The following ENG variants were observed in gnomAD, a reference collection of about 807,000 sequenced individuals.
ENG encodes the protein CD105 antigen.
In ENG, 17 loss-of-function variants were observed where a neutral mutation model predicts 71.0. The observed-to-expected ratio is 0.24, with a 90% CI of 0.16 to 0.36. The LOEUF (loss-of-function observed/expected upper bound fraction) is 0.36, where lower values mean the gene tolerates loss of function less well. ENG is among the 10% of genes least tolerant of loss of function. ENG has a pLI of 1.00. For missense variants in ENG, 749 were observed against 868.3 expected, an observed-to-expected ratio of 0.86 and a Z score of 1.73; for synonymous variants, 360 against 366.9, an observed-to-expected ratio of 0.98 and a Z score of 0.21.
chr9:127,829,431 C>T (rs968022417), intron 3 of ENG, among the ~76,000 whole-genome samples: 4 of 152,202 alleles, frequency 2.6e-5, no homozygotes, highest in Non-Finnish European at 4.4e-5. Context: ...TGCAGAGGAT[C>T]AGAGTTGGCC....
chr9:127,850,305 G>A (rs1831258462), intron 1 of ENG, among the ~76,000 whole-genome samples: 1 of 152,232 alleles, frequency 6.6e-6, no homozygotes, highest in African/African-American at 2.4e-5. Flanking sequence ...GGAGGAGCTG[G>A]CATTATGCCT....
At chr9:127,818,666 G>A (rs953670245) in intron 11 of ENG, 50 bp downstream of exon 11, 1 of 1,581,208 alleles carries the variant, frequency 6.3e-7, no homozygotes. Context: ...AAGGCGGAGA[G>A]GAAGTTCCAG....
At position 127,815,736 on chromosome 9, in the gene ENG, G is replaced by T; in HGVS notation, c.1923C>A (p.Asn641Lys). ...TGCTCTGGGTGCTCCCGATGCTGTGGTTGGTGCTGCTGCTCTCCGAGGAGG... is the reference window on the plus strand; with the variant it reads ...TGCTCTGGGTGCTCCCGATGCTGTGTTTGGTGCTGCTGCTCTCCGAGGAGG... The part of the protein sequence containing the change: ...APASSESSST[N>K]HSIGSTQSTP... Residue 641 changes from asparagine to lysine, a missense_variant, in exon 15 of 15, where the codon AAC becomes AAA. Transcript: ENST00000373203. The T allele has an allele frequency of 1.9e-6, 3 of 1,556,404 alleles. No individual in the cohort carries two copies. The highest frequency in any genetic ancestry group is 2.6e-6 in the Non-Finnish European group (3 of 1,155,364).
intron 12 of ENG, chr9:127,817,464 T>C (rs1376368883): frequency 5.4e-6 from 3 of 556,618 alleles, no homozygotes; most frequent in Non-Finnish European, 9.8e-6. Context: ...GGAAGCACTA[T>C]GCATCCCTCA....
chr9:127,818,660 C>A, intron 11 of ENG, 56 bp downstream of exon 11: 1 of 1,569,234 alleles, frequency 6.4e-7, no homozygotes, highest in South Asian at 1.1e-5. Context: ...GGAAGAAAGG[C>A]GGAGAGGAAG....
At chr9:127,832,614 C>A (rs1347130319) in intron 2 of ENG, 1 of 152,082 alleles carries the variant, frequency 6.6e-6, no homozygotes, top group Non-Finnish European at 1.5e-5. Context: ...ATGGTGCGAT[C>A]CTAGCTCACT....
intron 1 of ENG, among the ~76,000 whole-genome samples, chr9:127,852,120 C>T (rs144264721): frequency 2.6e-5 from 4 of 152,286 alleles, no homozygotes; most frequent in African/African-American, 4.8e-5. Flanking sequence ...CATGACATTC[C>T]GTCGTGTGGT....
chr9:127,822,114 A>G (rs1205570574), intron 8 of ENG, among the ~76,000 whole-genome samples: 1 of 152,192 alleles, frequency 6.6e-6, no homozygotes, highest in Non-Finnish European at 1.5e-5. Flanking sequence ...CAGCAAATCA[A>G]GGGAAGTGGT....
intron 2 of ENG, among the ~76,000 whole-genome samples, chr9:127,842,005 GCA>G (rs1831044762): frequency 6.6e-6 from 1 of 152,152 alleles, no homozygotes; most frequent in Non-Finnish European, 1.5e-5. Context: ...GTCGGCCCTA[GCA>G]CAGTCTCTAG....
At chr9:127,835,218 T>C (rs1830868426) in intron 2 of ENG, among the ~76,000 whole-genome samples, 1 of 152,046 alleles carries the variant, frequency 6.6e-6, no homozygotes, top group Non-Finnish European at 1.5e-5. Flanking sequence ...AGGCTGGTGT[T>C]GAACTCCTAG....
In ENG at chr9:127,829,768, T is replaced by C; in HGVS notation, c.279A>G (p.Arg93=). The C allele has an allele frequency of 6.2e-7, 1 of 1,614,120 alleles. No homozygotes were observed. Among genetic ancestry groups the C allele is most frequent in the African/African-American group, 1.3e-5 (1 of 75,030 alleles). The change falls in exon 3 of 15, where the codon CGA becomes CGG. Residue 93 remains arginine, a synonymous_variant. Coordinates refer to ENST00000373203, the MANE Select transcript of ENG (RefSeq NM_001114753.3). ...TTACACTGAGGACCAGAAGCACCTC[T>C]CGGGGCCAGGTGCCATTTTGCTTGG... ...QASKQNGTWP[R]EVLLVLSVNS...
chr9:127,833,496 T>C (rs1588589160), intron 2 of ENG, among the ~76,000 whole-genome samples: 1 of 120,148 alleles, frequency 8.3e-6, no homozygotes. Context: ...AGCTCTAGCC[T>C]GGGCAGCAAG....
chr9:127,845,290 A>C (rs1353666575), intron 1 of ENG, among the ~76,000 whole-genome samples: 2 of 152,110 alleles, frequency 1.3e-5, no homozygotes, highest in East Asian at 3.9e-4. Context: ...TCACCTTCCC[A>C]CAGCACGTTG....
rs1830301879 is a variant in ENG at position 127,815,984 on chromosome 9, G to A, written c.1811C>T (p.Ala604Val). ...GITFGAFLIGALLTAALWYIY... is the reference protein window; with the variant it reads ...GITFGAFLIGVLLTAALWYIY... ...GTACCAGAGTGCAGCAGTGAGCAGG[G>A]CCCCGATGAGGAAGGCACCAAAGGT... Residue 604 changes from alanine to valine, a missense_variant, in exon 14 of 15, where the codon GCC becomes GTC. Coordinates refer to ENST00000373203, the MANE Select transcript of ENG (RefSeq NM_001114753.3). 5.6e-6 allele frequency: 9 copies of A among 1,607,954 alleles called. No homozygotes were observed. The highest frequency in any genetic ancestry group is 7.6e-6 in the Non-Finnish European group (9 of 1,177,716).
intron 8 of ENG, among the ~76,000 whole-genome samples, chr9:127,822,120 G>A (rs1006608564): frequency 6.6e-6 from 1 of 152,142 alleles, no homozygotes; most frequent in African/African-American, 2.4e-5. Context: ...ATCAAGGGAA[G>A]TGGTGGCCAA....
chr9:127,828,301 A>T (rs1389722937), intron 3 of ENG, among the ~76,000 whole-genome samples: 1 of 152,202 alleles, frequency 6.6e-6, no homozygotes, highest in Admixed American at 6.5e-5. Context: ...GGGTTGGGAA[A>T]GGGATCTGAT....
intron 1 of ENG, among the ~76,000 whole-genome samples, chr9:127,843,757 T>A (rs3053077): frequency 0.039 from 193 of 4,926 alleles, 1 homozygote; most frequent in Admixed American, 0.09. Flanking sequence ...ATATATATAT[T>A]TTTTTTTTTT....
intron 2 of ENG, among the ~76,000 whole-genome samples, chr9:127,839,410 A>T (rs1830975260): frequency 6.6e-6 from 1 of 152,176 alleles, no homozygotes; most frequent in African/African-American, 2.4e-5. Flanking sequence ...TGGTCACAGC[A>T]GTAGGGGCTG....
At position 127,818,245 on chromosome 9, in the gene ENG, A is replaced by G; in HGVS notation, c.1561T>C (p.Ser521Pro). 1 of 1,614,116 alleles carries G rather than the reference A, an allele frequency of 6.2e-7. No individual in the cohort carries two copies. The highest frequency in any genetic ancestry group is 1.3e-5 in the African/African-American group (1 of 75,040). The change falls in exon 12 of 15, where the codon TCC (serine) becomes CCC (proline). Residue 521 changes from serine to proline, a missense_variant. Ser to Pro is a moderately conservative substitution (Grantham distance 74). Coordinates refer to ENST00000373203, the MANE Select transcript of ENG (RefSeq NM_001114753.3). ...AAKGNCVSLL[S>P]PSPEGDPRFS... ...CGCGGGTCACCCTCGGGGCTTGGGGACAGCAGGCTCACACAGTTGCCCTTG... is the reference window on the plus strand; with the variant it reads ...CGCGGGTCACCCTCGGGGCTTGGGGGCAGCAGGCTCACACAGTTGCCCTTG...
Sources: gnomAD v4.1 joint callset for allele counts (sites outside exome capture counted in the v4.1 genomes callset) on GRCh38, gnomAD v4.1.1 for gene constraint, MANE v1.5 for transcripts, NCBI Gene and HGNC (gene_info 2026-07-23, HGNC 2026-07-21) for gene names.